WT1: variants seen among roughly 807,000 people sequenced by gnomAD.
WT1 encodes Wilms tumor protein.
WT1 carries 8 observed loss-of-function variants against 60.8 expected under a neutral mutation model. The observed-to-expected ratio is 0.13, with a 90% CI of 0.08 to 0.24. The LOEUF (loss-of-function observed/expected upper bound fraction) is 0.24, where lower values mean the gene tolerates loss of function less well. Among genes scored for constraint, WT1 ranks in the 10% least tolerant of loss-of-function variants. The pLI, the probability that WT1 is intolerant of heterozygous loss-of-function variation, is 1.00. For synonymous variants in WT1, 312 were observed against 297.1 expected (o/e 1.05, Z -0.52); for missense variants, 568 against 711.8 (o/e 0.80, Z 2.30).
chr11:32,413,894 C>G (rs976998667), intron 5 of WT1, among the ~76,000 whole-genome samples: 12 of 152,194 alleles, frequency 7.9e-5, no homozygotes, highest in Admixed American at 5.2e-4. Flanking sequence ...CTCTGCCACT[C>G]ACTTACTATG....
intron 9 of WT1, among the ~76,000 whole-genome samples, chr11:32,390,855 A>G (rs1293990412): frequency 6.6e-6 from 1 of 152,230 alleles, no homozygotes; most frequent in Non-Finnish European, 1.5e-5. Flanking sequence ...CTGGAAGCAG[A>G]CAGAACTGGA....
intron 3 of WT1, among the ~76,000 whole-genome samples, chr11:32,424,932 C>G (rs1406438237): frequency 6.6e-6 from 1 of 152,172 alleles, no homozygotes; most frequent in Admixed American, 6.5e-5. Context: ...AATCCCAGCA[C>G]TTTTCGAGGC....
At chr11:32,405,571 A>ACT (rs1852283611) in intron 5 of WT1, among the ~76,000 whole-genome samples, 2 of 151,068 alleles carry the variant, frequency 1.3e-5, no homozygotes, top group Non-Finnish European at 2.9e-5. Context: ...ATAAATATAT[A>ACT]TATTTTTCAA....
In WT1 at chr11:32,435,085, AC is replaced by A; in HGVS notation, c.275del (p.Gly92ValfsTer10). 1 of 1,497,834 alleles carries A rather than the reference AC, an allele frequency of 6.7e-7. No homozygotes were observed. The highest frequency in any genetic ancestry group is 8.8e-7 in the Non-Finnish European group (1 of 1,132,204). The allele number at this position is 1,497,834 out of a possible 1,614,324, so 92.8% of individuals were successfully genotyped here. On this transcript the variant is annotated frameshift_variant, in exon 1 of 10. Coordinates refer to ENST00000452863, the MANE Select transcript of WT1 (RefSeq NM_024426.6). LOFTEE classifies it high-confidence loss of function. ...CAGGCAGGGCACAGCCGCCGCCGCC[AC>A]CCAGGGAGGGGACGGCGGGCAGCAG...
Position 32,432,276 on chromosome 11 carries a change from C to T in WT1, c.661+2424G>A, listed in dbSNP as rs550145979. On this transcript the variant is annotated intron_variant, in intron 1 of 9. Coordinates refer to ENST00000452863, the MANE Select transcript of WT1 (RefSeq NM_024426.6). ...CCTCTCCCCTGGGGTTTGGCCTTGG[C>T]GCTCTGATGGCCATTTCCACATTTT... 2.2e-3 allele frequency among the ~76,000 whole-genome samples: 337 copies of T among 152,260 alleles called. 1 individual carries two copies. The highest frequency in any genetic ancestry group is 0.01 in the Middle Eastern group (3 of 294).
intron 1 of WT1, 38 bp downstream of exon 1, chr11:32,434,662 C>T: frequency 6.2e-7 from 1 of 1,612,108 alleles, no homozygotes. Context: ...CCTGGCGCCA[C>T]TGCCCCGCGC....
intron 5 of WT1, among the ~76,000 whole-genome samples, chr11:32,413,765 G>T (rs952907442): frequency 1.3e-5 from 2 of 152,144 alleles, no homozygotes; most frequent in Non-Finnish European, 2.9e-5. Context: ...TGTGTATATG[G>T]GATCTCACTG....
intron 3 of WT1, among the ~76,000 whole-genome samples, chr11:32,420,941 T>C (rs1174649998): frequency 6.6e-6 from 1 of 152,182 alleles, no homozygotes; most frequent in Admixed American, 6.5e-5. Flanking sequence ...AGAAGGACTT[T>C]CAGAAAATCC....
chr11:32,408,563 A>G (rs1457852003), intron 5 of WT1, among the ~76,000 whole-genome samples: 2 of 150,718 alleles, frequency 1.3e-5, no homozygotes, highest in Non-Finnish European at 3.0e-5. Context: ...AAAAAAGAAA[A>G]GAAGGAAGGC....
rs1852718361 is a variant in WT1 at position 32,417,619 on chromosome 11, C to T, written c.923G>A (p.Cys308Tyr). ...TAAGTTCATCTGATTCCAGGTCATGCATTCAAGCTGGGATGTCATTTGGTA... is the reference window on the plus strand; with the variant it reads ...TAAGTTCATCTGATTCCAGGTCATGTATTCAAGCTGGGATGTCATTTGGTA... Residue 308 changes from cysteine to tyrosine, a missense_variant, in exon 4 of 10, where the codon TGC (cysteine) becomes TAC (tyrosine). Transcript: ENST00000452863. 1.2e-6 allele frequency: 2 copies of T among 1,614,038 alleles called. No individual in the cohort carries two copies. Among genetic ancestry groups the T allele is most frequent in the East Asian group, 2.2e-5 (1 of 44,854 alleles).
intron 6 of WT1, among the ~76,000 whole-genome samples, chr11:32,397,450 G>A (rs868602255): frequency 2.8e-4 from 42 of 151,922 alleles, no homozygotes; most frequent in Non-Finnish European, 1.0e-4. Flanking sequence ...TGAACAGCTG[G>A]GACAACAGGT....
chr11:32,404,797 C>T (rs1263496669), intron 5 of WT1, among the ~76,000 whole-genome samples: 1 of 152,152 alleles, frequency 6.6e-6, no homozygotes, highest in Non-Finnish European at 1.5e-5. Context: ...GACTTGGGCA[C>T]GTGTCTTGCA....
Position 32,434,741 on chromosome 11 carries a change from A to G in WT1, c.620T>C (p.Leu207Pro). 3 of 1,612,946 alleles carry G rather than the reference A, an allele frequency of 1.9e-6. No individual in the cohort carries two copies. The highest frequency in any genetic ancestry group is 2.5e-6 in the Non-Finnish European group (3 of 1,179,946). Reference sequence around the variant, plus strand: ...GGGCTGGCTCTCGAGGCAGCTGGGCAGGTAGGGCGCGTTAGGAAACATCCT... The same window carrying G: ...GGGCTGGCTCTCGAGGCAGCTGGGCGGGTAGGGCGCGTTAGGAAACATCCT... Residue 207 changes from leucine to proline, a missense_variant, in exon 1 of 10, where the codon CTG (leucine) becomes CCG (proline). Physicochemically the swap from Leu to Pro is moderately conservative, Grantham distance 98 (BLOSUM62 -3). This residue lies in a region of WT1 where 523 missense variants were observed against 565.1 expected (regional missense o/e 0.93). Coordinates refer to ENST00000452863, the MANE Select transcript of WT1 (RefSeq NM_024426.6).
intron 5 of WT1, chr11:32,400,363 T>C (rs1027400591): frequency 1.4e-5 from 6 of 437,230 alleles, no homozygotes; most frequent in Non-Finnish European, 2.1e-5. Context: ...GTTTACCATC[T>C]AGACGGCAGG....
chr11:32,426,524 C>A (rs950417385), intron 3 of WT1, among the ~76,000 whole-genome samples: 3 of 152,172 alleles, frequency 2.0e-5, no homozygotes, highest in African/African-American at 4.8e-5. Flanking sequence ...CATGCCGCGC[C>A]TGTGGTGCAG....
intron 5 of WT1, among the ~76,000 whole-genome samples, chr11:32,401,505 CG>C (rs5030252): frequency 0.37 from 53,934 of 146,696 alleles, 10,303 homozygotes; most frequent in East Asian, 0.68. Context: ...AAAAAATTAT[CG>C]GGGGGGGGTG....
rs531581426 is a variant in WT1 at position 32,405,820 on chromosome 11, C to T, written c.1017-5776G>A. ...AATACTGAGGTTTAAGGAGACATTGCGTTATTTGCCCACAGTCAGATGGCA... is the reference window on the plus strand; with the variant it reads ...AATACTGAGGTTTAAGGAGACATTGTGTTATTTGCCCACAGTCAGATGGCA... On this transcript the variant is annotated intron_variant, in intron 5 of 9. Transcript: ENST00000452863. Among the ~76,000 whole-genome samples, 11 of 152,236 alleles carry T rather than the reference C, an allele frequency of 7.2e-5. No individual in the cohort carries two copies. In the South Asian group the frequency reaches 2.1e-3, roughly 29 times the overall value.
intron 9 of WT1, among the ~76,000 whole-genome samples, chr11:32,391,450 C>T (rs1197776350): frequency 1.3e-5 from 2 of 152,334 alleles, no homozygotes; most frequent in African/African-American, 2.4e-5. Context: ...AATGAATGCC[C>T]TATTCTCCTC....
chr11:32,400,761 A>C (rs1174707412), intron 5 of WT1: 1 of 158,030 alleles, frequency 6.3e-6, no homozygotes, highest in Non-Finnish European at 1.4e-5. Flanking sequence ...TTCTAAAATT[A>C]TTCTCTCCTT....
Sources: gnomAD v4.1 joint callset for allele counts (sites outside exome capture counted in the v4.1 genomes callset) on GRCh38, gnomAD v4.1.1 for gene constraint, gnomAD v4.1.1 regional missense constraint, MANE v1.5 for transcripts, NCBI Gene and HGNC (gene_info 2026-07-23, HGNC 2026-07-21) for gene names.